Variants in SH3PXD2A observed in about 807,000 individuals in gnomAD.
SH3PXD2A encodes the protein SH3 and PX domains 2A.
A neutral mutation model predicts 115.2 loss-of-function variants in SH3PXD2A; 32 were observed. The ratio of observed to expected loss-of-function variants is 0.28; its 90% CI spans 0.21 to 0.37. The LOEUF (loss-of-function observed/expected upper bound fraction) is 0.37. Ranked by LOEUF, SH3PXD2A falls within the 10% of genes least tolerant of loss-of-function variation. The pLI is 1.00. For missense variants in SH3PXD2A, 1,328 were observed against 1,498.7 expected, an observed-to-expected ratio of 0.89 and a Z score of 1.88; for synonymous variants, 610 against 629.1, an observed-to-expected ratio of 0.97 and a Z score of 0.45.
At chr10:103,651,658 C>A (rs1030250801) in intron 8 of SH3PXD2A, among the ~76,000 whole-genome samples, 1 of 152,256 alleles carries the variant, frequency 6.6e-6, no homozygotes, top group African/African-American at 2.4e-5. Flanking sequence ...ATGCCAACAT[C>A]CATCCTGCCT....
At chr10:103,832,417 G>A (rs1357158423) in intron 1 of SH3PXD2A, among the ~76,000 whole-genome samples, 1 of 150,742 alleles carries the variant, frequency 6.6e-6, no homozygotes, top group African/African-American at 2.4e-5. Context: ...AGCTGATCTG[G>A]AGGAAATAAT....
chr10:103,749,903 G>C (rs2038554340), intron 3 of SH3PXD2A: 1 of 152,284 alleles, frequency 6.6e-6, no homozygotes, highest in Non-Finnish European at 1.5e-5. Flanking sequence ...CCAGCGAGAT[G>C]AGCAAGCCGT....
chr10:103,725,293 GT>G (rs1431306310), intron 4 of SH3PXD2A, among the ~76,000 whole-genome samples: 2 of 152,188 alleles, frequency 1.3e-5, no homozygotes, highest in African/African-American at 4.8e-5. Flanking sequence ...GCAGGGCCTT[GT>G]TTTAGGCCAA....
intron 6 of SH3PXD2A, among the ~76,000 whole-genome samples, chr10:103,679,309 T>G (rs561381769): frequency 6.7e-4 from 102 of 152,364 alleles, no homozygotes; most frequent in African/African-American, 2.4e-3. Context: ...ACCTGTCAGA[T>G]GTGCAGTAGA....
chr10:103,640,970 G>C (rs938577162), intron 8 of SH3PXD2A, among the ~76,000 whole-genome samples: 3 of 152,128 alleles, frequency 2.0e-5, no homozygotes, highest in Non-Finnish European at 4.4e-5. Flanking sequence ...CAACCCAGCA[G>C]GACGGAGTGG....
chr10:103,728,981 C>A (rs991447930), intron 4 of SH3PXD2A, among the ~76,000 whole-genome samples: 1 of 151,824 alleles, frequency 6.6e-6, no homozygotes, highest in Admixed American at 6.6e-5. Flanking sequence ...CAGCCTCCCC[C>A]TCGCCGGGTT....
chr10:103,835,058 C>A (rs1198162140), intron 1 of SH3PXD2A, among the ~76,000 whole-genome samples: 1 of 152,170 alleles, frequency 6.6e-6, no homozygotes, highest in Non-Finnish European at 1.5e-5. Context: ...TTGGAGCACA[C>A]AGGTGGGGCA....
intron 1 of SH3PXD2A, among the ~76,000 whole-genome samples, chr10:103,842,773 C>T (rs1164879072): frequency 2.0e-5 from 3 of 152,172 alleles, no homozygotes; most frequent in South Asian, 2.1e-4. Context: ...AGAATGTAAG[C>T]TCTAAACGGG....
chr10:103,703,316 T>C (rs928952774), intron 5 of SH3PXD2A, among the ~76,000 whole-genome samples: 7 of 152,242 alleles, frequency 4.6e-5, no homozygotes, highest in Non-Finnish European at 5.9e-5. Context: ...AGCAGCCAGA[T>C]GTGCCCAGCC....
chr10:103,670,388 A>T (rs915923206), intron 6 of SH3PXD2A, among the ~76,000 whole-genome samples: 2 of 152,190 alleles, frequency 1.3e-5, no homozygotes, highest in African/African-American at 4.8e-5. Context: ...GATAATATGT[A>T]ATAGTGCCCA....
At position 103,725,461 on chromosome 10, in the gene SH3PXD2A, G is replaced by A. The variant is rs151137618; in HGVS notation, c.307-1100C>T. 3.2e-3 allele frequency among the ~76,000 whole-genome samples: 484 copies of A among 152,260 alleles called. 1 individual carries two copies. The highest frequency in any genetic ancestry group is 0.014 in the Middle Eastern group (4 of 294). ...AAACAGTAGTCATGGCAAGTGCGTG[G>A]GCCAGCTGTGAGCCTGTCATCCAGG... On this transcript the variant is annotated intron_variant, in intron 4 of 14. Coordinates refer to ENST00000369774, the MANE Select transcript of SH3PXD2A (RefSeq NM_001394015.1).
chr10:103,671,090 T>C (rs2037452647), intron 6 of SH3PXD2A, among the ~76,000 whole-genome samples: 3 of 152,220 alleles, frequency 2.0e-5, no homozygotes, highest in Non-Finnish European at 4.4e-5. Context: ...TTTGGGTTCT[T>C]CATAAGGAGA....
At position 103,831,513 on chromosome 10, in the gene SH3PXD2A, T is replaced by C. The variant is rs192285456; in HGVS notation, c.72+23682A>G. On this transcript the variant is annotated intron_variant, in intron 1 of 14. Coordinates refer to ENST00000369774, the MANE Select transcript of SH3PXD2A (RefSeq NM_001394015.1). ...AAATTGAGGCATAACTCATATACTA[T>C]TAAGGTCACCATTTTAACGTGTACA... Among the ~76,000 whole-genome samples, 3 of 152,268 alleles carry C rather than the reference T, an allele frequency of 2.0e-5. 1 individual carries two copies. The highest frequency in any genetic ancestry group is 2.0e-4 in the Admixed American group (3 of 15,298).
At chr10:103,832,201 C>T (rs2039488570) in intron 1 of SH3PXD2A, among the ~76,000 whole-genome samples, 1 of 152,060 alleles carries the variant, frequency 6.6e-6, no homozygotes, top group Non-Finnish European at 1.5e-5. Flanking sequence ...AATTTGGGGG[C>T]TGTTTGTTCC....
chr10:103,663,686 G>C (rs977893884), intron 7 of SH3PXD2A, among the ~76,000 whole-genome samples: 1 of 152,232 alleles, frequency 6.6e-6, no homozygotes, highest in Non-Finnish European at 1.5e-5. Flanking sequence ...TTAGATCTTT[G>C]GGTCCTTCTG....
intron 14 of SH3PXD2A, 36 bp downstream of exon 14, chr10:103,605,762 G>T: frequency 6.2e-7 from 1 of 1,613,510 alleles, no homozygotes; most frequent in South Asian, 1.1e-5. Flanking sequence ...CCACCACAAT[G>T]AGTTAAAACC....
chr10:103,675,230 C>T (rs893416881), intron 6 of SH3PXD2A, among the ~76,000 whole-genome samples: 1 of 152,224 alleles, frequency 6.6e-6, no homozygotes, highest in Non-Finnish European at 1.5e-5. Flanking sequence ...AGGGTCCCTG[C>T]AGCTGATTTA....
intron 11 of SH3PXD2A, among the ~76,000 whole-genome samples, chr10:103,615,011 T>C (rs911378512): frequency 6.6e-6 from 1 of 152,160 alleles, no homozygotes; most frequent in African/African-American, 2.4e-5. Flanking sequence ...TTTGGCTCCC[T>C]GATGCAATGG....
At chr10:103,731,127 C>T (rs934866050) in intron 4 of SH3PXD2A, among the ~76,000 whole-genome samples, 3 of 150,870 alleles carry the variant, frequency 2.0e-5, no homozygotes, top group East Asian at 2.0e-4. Context: ...ATATTCTTCT[C>T]GGGGGCAGCA....
Sources: gnomAD v4.1 joint callset for allele counts (sites outside exome capture counted in the v4.1 genomes callset) on GRCh38, gnomAD v4.1.1 for gene constraint, MANE v1.5 for transcripts, NCBI Gene and HGNC (gene_info 2026-07-23, HGNC 2026-07-21) for gene names.